Variants in LPP observed in about 807,000 individuals in gnomAD.
LPP encodes LIM domain containing preferred translocation partner in lipoma, also known as lipoma-preferred partner.
In LPP, 38 loss-of-function variants were observed where a neutral mutation model predicts 60.4. The observed-to-expected ratio is 0.63, with a 90% confidence interval of 0.49 to 0.83. LPP has a LOEUF of 0.83. LPP is among the 40% of genes least tolerant of loss of function. LPP has a pLI of 0.00. For missense variants in LPP, 902 were observed against 783.6 expected, an observed-to-expected ratio of 1.15 and a Z score of -1.80; for synonymous variants, 328 against 290.8, an observed-to-expected ratio of 1.13 and a Z score of -1.30.
chr3:188,254,774 G>A (rs1416219342), intron 2 of LPP, among the ~76,000 whole-genome samples: 7 of 152,234 alleles, frequency 4.6e-5, no homozygotes, highest in Middle Eastern at 3.4e-3. Flanking sequence ...GGAACTGAAC[G>A]ATCAAAATCA....
At chr3:188,199,713 AT>A (rs398063118) in intron 1 of LPP, among the ~76,000 whole-genome samples, 151 of 142,512 alleles carry the variant, frequency 1.1e-3, no homozygotes, top group South Asian at 3.6e-3. Flanking sequence ...TCTATTTTGG[AT>A]TTTTTTTTTT....
At chr3:188,592,557 G>GTTTTTTTGTTTTTTTTTTTTTTTTTTT (rs1553936333) in intron 6 of LPP, among the ~76,000 whole-genome samples, 3 of 85,754 alleles carry the variant, frequency 3.5e-5, no homozygotes, top group African/African-American at 1.4e-4. Context: ...TTTTGTTTTT[G>GTTTTTTTGTTTTTTTTTTTTTTTTTTT]TTTTTTAAAT....
intron 1 of LPP, among the ~76,000 whole-genome samples, chr3:188,208,672 T>C (rs1451716034): frequency 6.6e-6 from 1 of 152,206 alleles, no homozygotes; most frequent in Non-Finnish European, 1.5e-5. Context: ...TATTACCTCC[T>C]TTTGGCCCAG....
At chr3:188,409,231 A>C (rs762277148) in intron 4 of LPP, among the ~76,000 whole-genome samples, 1 of 152,106 alleles carries the variant, frequency 6.6e-6, no homozygotes, top group Non-Finnish European at 1.5e-5. Flanking sequence ...ATTTCTGCCA[A>C]TTCTCACTCT....
chr3:188,671,143 T>A (rs1378427301), intron 7 of LPP, among the ~76,000 whole-genome samples: 1 of 152,250 alleles, frequency 6.6e-6, no homozygotes, highest in Non-Finnish European at 1.5e-5. Context: ...CTGCCTCTTT[T>A]ATGGCATTTA....
At chr3:188,602,461 T>C (rs772706466) in intron 6 of LPP, among the ~76,000 whole-genome samples, 53 of 151,856 alleles carry the variant, frequency 3.5e-4, no homozygotes, top group Middle Eastern at 6.8e-3. Context: ...TTTCCATTTT[T>C]GCTCATTGTA....
intron 6 of LPP, among the ~76,000 whole-genome samples, chr3:188,585,430 T>A (rs895414256): frequency 6.6e-6 from 1 of 152,178 alleles, no homozygotes; most frequent in East Asian, 1.9e-4. Context: ...TTGAGCCATA[T>A]CCTTGGCAAC....
chr3:188,605,908 G>A (rs1036888841), intron 6 of LPP, among the ~76,000 whole-genome samples: 1 of 152,146 alleles, frequency 6.6e-6, no homozygotes, highest in African/African-American at 2.4e-5. Context: ...ACCTCCTGAT[G>A]GGGAGTTTGG....
In LPP at chr3:188,609,541, C is replaced by CA. The variant is rs1843220534; in HGVS notation, c.811dup (p.Met271AsnfsTer28). On this transcript the variant is annotated frameshift_variant, in exon 7 of 12. Coordinates refer to ENST00000617246, the MANE Select transcript of LPP (RefSeq NM_001375462.1). LOFTEE classifies it high-confidence loss of function. The surrounding 1 kb of genome is among the most constrained non-coding windows in gnomAD (Gnocchi z 6.9). ...GTCCACCTCCTTCAACACGGGGAGG[C>CA]ATGGATTATGCCTACATTCCACCAC... The CA allele has an allele frequency of 2.5e-6, 4 of 1,614,044 alleles. No individual in the cohort carries two copies. The South Asian group carries it at 4.4e-5, about 18-fold the overall frequency.
intron 2 of LPP, among the ~76,000 whole-genome samples, chr3:188,240,564 T>C (rs1724036753): frequency 6.6e-6 from 1 of 152,274 alleles, no homozygotes; most frequent in Admixed American, 6.5e-5. Context: ...GAGAGCTTTA[T>C]TCAAACTCAT....
intron 9 of LPP, among the ~76,000 whole-genome samples, chr3:188,769,152 G>A (rs1167664346): frequency 1.3e-5 from 2 of 152,168 alleles, no homozygotes; most frequent in East Asian, 3.8e-4. Flanking sequence ...TGATCTAAGT[G>A]AGGAATGCTA....
chr3:188,613,816 T>C (rs776301504), intron 7 of LPP, among the ~76,000 whole-genome samples: 3 of 152,080 alleles, frequency 2.0e-5, no homozygotes, highest in Admixed American at 1.3e-4. Flanking sequence ...CTTTAAGATC[T>C]GTAATTTCTG....
At chr3:188,623,599 C>T (rs1380544250) in intron 7 of LPP, among the ~76,000 whole-genome samples, 1 of 152,074 alleles carries the variant, frequency 6.6e-6, no homozygotes, top group Non-Finnish European at 1.5e-5. Context: ...GAGTCAGAAA[C>T]TGAGAAAGGG....
intron 7 of LPP, among the ~76,000 whole-genome samples, chr3:188,664,702 A>T (rs1030167151): frequency 6.6e-6 from 1 of 152,158 alleles, no homozygotes; most frequent in East Asian, 1.9e-4. Context: ...AACAAAAAAT[A>T]TTTAAATAAC....
At chr3:188,433,585 AGAGAGACAGAAAGT>A (rs1397478654) in intron 4 of LPP, among the ~76,000 whole-genome samples, 1 of 109,242 alleles carries the variant, frequency 9.2e-6, no homozygotes, top group Non-Finnish European at 1.8e-5. Flanking sequence ...AGAGAAAGAG[AGAGAGACAGAAAGT>A]GAGAGAGAGA....
At chr3:188,583,874 A>G (rs915988679) in intron 6 of LPP, among the ~76,000 whole-genome samples, 1 of 152,240 alleles carries the variant, frequency 6.6e-6, no homozygotes, top group Admixed American at 6.5e-5. Flanking sequence ...ACAAAATCAA[A>G]TTAATTGGTA....
chr3:188,681,239 C>G (rs962148477), intron 7 of LPP, among the ~76,000 whole-genome samples: 1 of 152,118 alleles, frequency 6.6e-6, no homozygotes, highest in Non-Finnish European at 1.5e-5. Context: ...CGTGATCCAC[C>G]CACCTTGGCC....
intron 4 of LPP, among the ~76,000 whole-genome samples, chr3:188,457,456 T>C (rs1797969809): frequency 6.6e-6 from 1 of 152,096 alleles, no homozygotes; most frequent in African/African-American, 2.4e-5. Context: ...AAAATTAGAA[T>C]TTGTCTAGGA....
chr3:188,434,698 G>C (rs1260271112), intron 4 of LPP, among the ~76,000 whole-genome samples: 1 of 152,240 alleles, frequency 6.6e-6, no homozygotes, highest in African/African-American at 2.4e-5. Flanking sequence ...GTGCCACAGT[G>C]TGTTCAAGAA....
Sources: gnomAD v4.1 joint callset for allele counts (sites outside exome capture counted in the v4.1 genomes callset) on GRCh38, gnomAD v4.1.1 for gene constraint, Gnocchi (gnomAD v3.1) non-coding constraint, MANE v1.5 for transcripts, NCBI Gene and HGNC (gene_info 2026-07-23, HGNC 2026-07-21) for gene names.